The following FBXL7 variants were observed in gnomAD, a reference collection of about 807,000 sequenced individuals.
FBXL7 encodes F-box/LRR-repeat protein 7.
In FBXL7, 12 loss-of-function variants were observed where a neutral mutation model predicts 38.3. The ratio of observed to expected loss-of-function variants is 0.31; its 90% CI spans 0.20 to 0.51. The LOEUF is 0.51. FBXL7 is among the 20% of genes least tolerant of loss of function. The probability of loss-of-function intolerance (pLI) is 0.98; values close to 1 mark genes in which losing one functional copy is unlikely to be tolerated. For synonymous variants in FBXL7, 297 were observed against 300.9 expected (o/e 0.99, Z 0.13); for missense variants, 567 against 676.4 (o/e 0.84, Z 1.79).
chr5:15,836,702 A>T (rs1449449183), intron 2 of FBXL7, among the ~76,000 whole-genome samples: 2 of 152,188 alleles, frequency 1.3e-5, no homozygotes, highest in Admixed American at 6.5e-5. Context: ...GGAGGCCAGA[A>T]TGTGTGATGC....
At chr5:15,791,759 C>G (rs887751578) in intron 2 of FBXL7, among the ~76,000 whole-genome samples, 3 of 152,104 alleles carry the variant, frequency 2.0e-5, no homozygotes, top group Admixed American at 6.6e-5. Flanking sequence ...AGTAAATACC[C>G]TGACTTCTCT....
chr5:15,724,355 G>A (rs1249086842), intron 2 of FBXL7, among the ~76,000 whole-genome samples: 1 of 152,080 alleles, frequency 6.6e-6, no homozygotes, highest in Non-Finnish European at 1.5e-5. Flanking sequence ...GAGGTGTAAT[G>A]TACAGACAAT....
intron 2 of FBXL7, among the ~76,000 whole-genome samples, chr5:15,869,056 G>A (rs114267893): frequency 0.011 from 1,698 of 152,180 alleles, 34 homozygotes; most frequent in African/African-American, 0.039. Flanking sequence ...GTCATTGAAC[G>A]AAGAGCTCCA....
chr5:15,707,511 C>G (rs1203765965), intron 2 of FBXL7, among the ~76,000 whole-genome samples: 2 of 152,040 alleles, frequency 1.3e-5, no homozygotes, highest in Non-Finnish European at 1.5e-5. Flanking sequence ...ATTTCTGTAC[C>G]AAGGCATCTG....
intron 2 of FBXL7, among the ~76,000 whole-genome samples, chr5:15,739,703 C>T (rs1735845555): frequency 6.6e-6 from 1 of 152,126 alleles, no homozygotes; most frequent in Admixed American, 6.5e-5. Context: ...CAGCATGTAT[C>T]AATACTTAAT....
At chr5:15,580,613 C>T in intron 1 of FBXL7, 1 of 985,362 alleles carries the variant, frequency 1.0e-6, no homozygotes, top group African/African-American at 1.7e-5. Flanking sequence ...TCTTTTGTAA[C>T]AGGCAGATCC....
At chr5:15,518,582 G>A (rs1737010075) in intron 1 of FBXL7, among the ~76,000 whole-genome samples, 1 of 152,080 alleles carries the variant, frequency 6.6e-6, no homozygotes, top group Non-Finnish European at 1.5e-5. Context: ...TACAGGACTT[G>A]GTGACGAATT....
chr5:15,901,984 T>C (rs774612522), intron 2 of FBXL7, among the ~76,000 whole-genome samples: 12 of 152,226 alleles, frequency 7.9e-5, no homozygotes, highest in Non-Finnish European at 1.6e-4. Context: ...GATGATTATA[T>C]GGCCAGAAAA....
intron 1 of FBXL7, among the ~76,000 whole-genome samples, chr5:15,589,685 G>A (rs1739412517): frequency 6.6e-6 from 1 of 152,228 alleles, no homozygotes; most frequent in South Asian, 2.1e-4. Flanking sequence ...GGCTTTGGAA[G>A]TTATTATCTT....
At chr5:15,581,257 A>G (rs1200714250) in intron 1 of FBXL7, among the ~76,000 whole-genome samples, 3 of 152,090 alleles carry the variant, frequency 2.0e-5, no homozygotes, top group African/African-American at 7.2e-5. Flanking sequence ...TATGTCATTA[A>G]AAAAAATCAA....
At chr5:15,867,657 AG>A (rs1739772406) in intron 2 of FBXL7, among the ~76,000 whole-genome samples, 1 of 152,228 alleles carries the variant, frequency 6.6e-6, no homozygotes, top group South Asian at 2.1e-4. Context: ...TGAACTTAAT[AG>A]AGGGAGATTA....
At chr5:15,835,120 G>A (rs538577194) in intron 2 of FBXL7, among the ~76,000 whole-genome samples, 1 of 152,258 alleles carries the variant, frequency 6.6e-6, no homozygotes, top group African/African-American at 2.4e-5. Flanking sequence ...TAAATAGTGG[G>A]TGATTTGTGA....
At chr5:15,546,320 A>G (rs1737889715) in intron 1 of FBXL7, among the ~76,000 whole-genome samples, 1 of 152,086 alleles carries the variant, frequency 6.6e-6, no homozygotes, top group Non-Finnish European at 1.5e-5. Context: ...TAATCCCAGC[A>G]CTTTGGGAGG....
chr5:15,870,553 A>G (rs548315402), intron 2 of FBXL7, among the ~76,000 whole-genome samples: 98 of 152,290 alleles, frequency 6.4e-4, no homozygotes, highest in African/African-American at 2.1e-3. Flanking sequence ...ATTTAGTAAG[A>G]AAAAGATGGT....
intron 1 of FBXL7, among the ~76,000 whole-genome samples, chr5:15,614,830 T>C (rs1338280724): frequency 6.6e-6 from 1 of 152,226 alleles, no homozygotes; most frequent in Non-Finnish European, 1.5e-5. Flanking sequence ...GGAGGCTTGC[T>C]GCTTCAAAGA....
intron 2 of FBXL7, among the ~76,000 whole-genome samples, chr5:15,783,460 A>G (rs1737051849): frequency 6.6e-6 from 1 of 152,182 alleles, no homozygotes; most frequent in South Asian, 2.1e-4. Flanking sequence ...TGATCATTGT[A>G]AGCCACCCAT....
intron 2 of FBXL7, among the ~76,000 whole-genome samples, chr5:15,709,099 T>C (rs1579396236): frequency 6.6e-6 from 1 of 152,304 alleles, no homozygotes; most frequent in East Asian, 1.9e-4. Flanking sequence ...CATTCTTCAC[T>C]GAAAACAGGA....
chr5:15,601,842 C>T (rs938079796), intron 1 of FBXL7, among the ~76,000 whole-genome samples: 1 of 152,162 alleles, frequency 6.6e-6, no homozygotes, highest in East Asian at 1.9e-4. Flanking sequence ...CTCCTCTTCA[C>T]CCCACAATGT....
At chr5:15,541,431 A>ATGTG (rs201895168) in intron 1 of FBXL7, among the ~76,000 whole-genome samples, 11 of 85,954 alleles carry the variant, frequency 1.3e-4, no homozygotes, top group East Asian at 6.5e-4. Context: ...TATAGTATAT[A>ATGTG]TGTGTGTGTG....
Sources: gnomAD v4.1 joint callset for allele counts (sites outside exome capture counted in the v4.1 genomes callset) on GRCh38, gnomAD v4.1.1 for gene constraint, MANE v1.5 for transcripts, NCBI Gene and HGNC (gene_info 2026-07-23, HGNC 2026-07-21) for gene names.